The following STEEP1 variants were observed in gnomAD, a reference collection of about 807,000 sequenced individuals.
STEEP1 encodes the protein STING ER exit protein.
STEEP1 carries 3 observed loss-of-function variants against 19.2 expected under a neutral mutation model. The observed-to-expected ratio is 0.16, with a 90% CI of 0.07 to 0.40. STEEP1 has a LOEUF of 0.40. STEEP1 is among the 10% of genes least tolerant of loss of function. The pLI, the probability that STEEP1 is intolerant of heterozygous loss-of-function variation, is 0.99. For synonymous variants in STEEP1, 46 were observed against 63.7 expected (o/e 0.72, Z 1.32); for missense variants, 54 against 177.1 (o/e 0.30, Z 3.94).
chrX:119,551,158 A>G (rs1031561676), intron 2 of STEEP1, among the ~76,000 whole-genome samples: 1 of 111,386 alleles, frequency 9.0e-6, no homozygotes, highest in African/African-American at 3.3e-5. Context: ...AATTCTTACA[A>G]CTCAACAACA....
At chrX:119,540,646 A>G (rs749619941) in intron 6 of STEEP1, among the ~76,000 whole-genome samples, 2 of 112,646 alleles carry the variant, frequency 1.8e-5, no homozygotes, top group African/African-American at 6.4e-5. Flanking sequence ...ACCAGCCCCA[A>G]TCCTGGTACT....
At chrX:119,553,975 C>T in intron 2 of STEEP1, among the ~76,000 whole-genome samples, 1 of 112,046 alleles carries the variant, frequency 8.9e-6, no homozygotes, top group Non-Finnish European at 1.9e-5. Flanking sequence ...TCAAAAAGTT[C>T]ATCTTATTGA....
At chrX:119,561,267 G>C (rs1350784433) in intron 1 of STEEP1, among the ~76,000 whole-genome samples, 1 of 111,221 alleles carries the variant, frequency 9.0e-6, no homozygotes, top group Non-Finnish European at 1.9e-5. Flanking sequence ...GAGAGAGGGT[G>C]ATTATATAGT....
chrX:119,561,243 CA>C (rs1255170891), intron 1 of STEEP1, among the ~76,000 whole-genome samples: 4 of 106,178 alleles, frequency 3.8e-5, no homozygotes, highest in African/African-American at 1.0e-4. Context: ...CGTCAAAAAA[CA>C]AAAAAAAAGG....
At chrX:119,560,412 TAG>T in intron 1 of STEEP1, 27 bp from the exon 2 acceptor site, 9 of 1,065,704 alleles carry the variant, frequency 8.4e-6, no homozygotes, top group Non-Finnish European at 1.2e-5. Context: ...ATTTGGTCAC[TAG>T]AGTCATGGCA....
chrX:119,553,165 AAGT>A (rs200162915), intron 2 of STEEP1, among the ~76,000 whole-genome samples: 1 of 107,620 alleles, frequency 9.3e-6, no homozygotes, highest in Admixed American at 1.0e-4. Context: ...AAAAAAAAAA[AAGT>A]GGAAAACAGA....
chrX:119,547,825 C>A (rs750278828), intron 2 of STEEP1, among the ~76,000 whole-genome samples: 3 of 111,544 alleles, frequency 2.7e-5, no homozygotes, highest in Non-Finnish European at 5.6e-5. Flanking sequence ...CCAAGACATA[C>A]AAATGGCCAA....
chrX:119,556,039 C>T (rs1221466614), intron 2 of STEEP1, among the ~76,000 whole-genome samples: 5 of 111,796 alleles, frequency 4.5e-5, no homozygotes, highest in Non-Finnish European at 7.5e-5. Flanking sequence ...GATAGCAGGG[C>T]AAAGGCTCTG....
At chrX:119,552,526 G>A (rs1016483497) in intron 2 of STEEP1, among the ~76,000 whole-genome samples, 1 of 112,483 alleles carries the variant, frequency 8.9e-6, no homozygotes, top group Non-Finnish European at 1.9e-5. Context: ...GGCAAGGGGC[G>A]TGGAGCTTCC....
chrX:119,543,149 A>G (rs2053177485), intron 4 of STEEP1, among the ~76,000 whole-genome samples: 1 of 109,974 alleles, frequency 9.1e-6, no homozygotes, highest in Non-Finnish European at 1.9e-5. Flanking sequence ...GGCGAGAGAC[A>G]CTATGCATGG....
chrX:119,562,096 C>T (rs935266649), intron 1 of STEEP1, among the ~76,000 whole-genome samples: 4 of 112,410 alleles, frequency 3.6e-5, no homozygotes, highest in African/African-American at 6.5e-5. Context: ...AACAACAAAG[C>T]AGATAAAGTC....
intron 1 of STEEP1, among the ~76,000 whole-genome samples, chrX:119,562,438 C>A (rs1010217964): frequency 6.4e-5 from 7 of 109,231 alleles, no homozygotes; most frequent in African/African-American, 2.3e-4. Context: ...GAGGCTGAGG[C>A]AGGAGAATCG....
At chrX:119,564,068 G>C (rs1374787445) in intron 1 of STEEP1, among the ~76,000 whole-genome samples, 2 of 111,641 alleles carry the variant, frequency 1.8e-5, no homozygotes, top group Non-Finnish European at 3.8e-5. Flanking sequence ...TTACCAGCAT[G>C]TCAGTTGTAT....
rs768386894 is a variant in STEEP1 at position 119,560,384 on chromosome X, G to A, written c.126C>T (p.Asp42=). 2.3e-5 allele frequency: 27 copies of A among 1,178,127 alleles called. No homozygotes were observed. Among genetic ancestry groups the A allele is most frequent in the Non-Finnish European group, 3.1e-5 (27 of 866,008 alleles). Residue 42 remains aspartate, a splice_region_variant and synonymous_variant, in exon 2 of 7, where the codon GAC becomes GAT. Coordinates refer to ENST00000644802, the MANE Select transcript of STEEP1 (RefSeq NM_022101.4). ...CLCGQMVLVL[D]CQLEKLPMRP... is the part of the protein sequence containing the mutation. ...TCATGGGCAATTTCTCTAACTGGCA[G>A]TCTGAAGGAATGGAGAGATTTGGTC...
chrX:119,552,069 A>AT (rs2053246711), intron 2 of STEEP1, among the ~76,000 whole-genome samples: 1 of 109,784 alleles, frequency 9.1e-6, no homozygotes, highest in Non-Finnish European at 1.9e-5. Context: ...AATTTTTTGT[A>AT]TTTTTAGTAA....
At chrX:119,544,255 C>A in intron 4 of STEEP1, 98 bp downstream of exon 4, 4 of 602,769 alleles carry the variant, frequency 6.6e-6, no homozygotes, top group East Asian at 3.7e-5. Context: ...AAAAAGAATA[C>A]ATCCATAAAG....
At chrX:119,564,205 A>G (rs746902358) in intron 1 of STEEP1, among the ~76,000 whole-genome samples, 1 of 111,534 alleles carries the variant, frequency 9.0e-6, no homozygotes, top group South Asian at 3.8e-4. Flanking sequence ...AGACAAGGGG[A>G]AAAATCTAAG....
intron 1 of STEEP1, among the ~76,000 whole-genome samples, chrX:119,561,311 A>C (rs1398234956): frequency 8.9e-6 from 1 of 112,012 alleles, no homozygotes; most frequent in Non-Finnish European, 1.9e-5. Context: ...GAGGAATTTT[A>C]ATCTGAAAAC....
chrX:119,564,470 T>C (rs2053343321), intron 1 of STEEP1, among the ~76,000 whole-genome samples: 1 of 74,602 alleles, frequency 1.3e-5, no homozygotes, highest in African/African-American at 5.5e-5. Context: ...CACTCCAGCC[T>C]GGGCAGCAGA....
Sources: gnomAD v4.1 joint callset for allele counts (sites outside exome capture counted in the v4.1 genomes callset) on GRCh38, gnomAD v4.1.1 for gene constraint, MANE v1.5 for transcripts, NCBI Gene and HGNC (gene_info 2026-07-23, HGNC 2026-07-21) for gene names.